MYOM2: variants seen among roughly 807,000 people sequenced by gnomAD.
MYOM2 encodes myomesin-2.
Under a neutral mutation model 187.6 loss-of-function variants are expected in MYOM2, and 254 were observed. The observed-to-expected ratio is 1.35, with a 90% CI of 1.22 to 1.50. The LOEUF is 1.50. Ranked by LOEUF, MYOM2 falls within the 40% of genes most tolerant of loss-of-function variation. The probability of loss-of-function intolerance (pLI) is 0.00; values close to 1 mark genes in which losing one functional copy is unlikely to be tolerated. For missense variants in MYOM2, 2,796 were observed against 1,924.0 expected, an observed-to-expected ratio of 1.45 and a Z score of -8.48; for synonymous variants, 981 against 753.8, an observed-to-expected ratio of 1.30 and a Z score of -4.94.
Position 2,101,017 on chromosome 8 carries a change from C to G in MYOM2, c.2582C>G (p.Thr861Ser). The G allele has an allele frequency of 6.2e-7, 1 of 1,614,138 alleles. No homozygotes were observed. The highest frequency in any genetic ancestry group is 1.1e-5 in the South Asian group (1 of 91,084). The stretch of plus-strand genomic sequence containing the variant: ...GAGGAGGATGCTGGAGAGTGGATCA[C>G]TGTCAATCAGACGACAACAGCCAGC... Reference protein sequence around the residue: ...FREEDAGEWITVNQTTTASRY... With the variant: ...FREEDAGEWISVNQTTTASRY... Residue 861 changes from threonine to serine, a missense_variant, in exon 20 of 37, where the codon ACT becomes AGT. Transcript: ENST00000262113.
Position 2,094,248 on chromosome 8 carries a change from G to A in MYOM2, c.2125+157G>A, listed in dbSNP as rs542895253. Among the ~76,000 whole-genome samples, 14 of 152,298 alleles carry A rather than the reference G, an allele frequency of 9.2e-5. No individual in the cohort carries two copies. The South Asian group carries it at 2.9e-3, about 32-fold the overall frequency. ...TGAGTTTCTTTGAAGCCTCTCGGTT[G>A]GCTGCTTGTCTTGGAAATGACAGTG... On this transcript the variant is annotated intron_variant, in intron 17 of 36. Coordinates refer to ENST00000262113, the MANE Select transcript of MYOM2 (RefSeq NM_003970.4).
chr8:2,056,777 G>T (rs1009591949), intron 3 of MYOM2, among the ~76,000 whole-genome samples: 2 of 152,078 alleles, frequency 1.3e-5, no homozygotes, highest in South Asian at 2.1e-4. Flanking sequence ...CAATAGCACC[G>T]TTAGCCCAGT....
intron 16 of MYOM2, among the ~76,000 whole-genome samples, 156 bp downstream of exon 16, chr8:2,092,676 T>G (rs936053693): frequency 1.3e-5 from 2 of 152,196 alleles, no homozygotes; most frequent in Non-Finnish European, 2.9e-5. Context: ...ATTTTAAAGT[T>G]TGACCACTTG....
intron 29 of MYOM2, 41 bp downstream of exon 29, chr8:2,123,406 G>C: frequency 6.5e-7 from 1 of 1,530,862 alleles, no homozygotes; most frequent in Non-Finnish European, 9.0e-7. Context: ...AAACAAAAAC[G>C]GCACTTTCAA....
At chr8:2,129,297 G>A (rs1225823190) in intron 32 of MYOM2, 65 bp downstream of exon 32, 2 of 1,070,612 alleles carry the variant, frequency 1.9e-6, no homozygotes, top group Non-Finnish European at 1.4e-6. Context: ...GCACAGCTGG[G>A]ACCAGGCGCT....
At chr8:2,116,448 G>C (rs1299693236) in intron 27 of MYOM2, among the ~76,000 whole-genome samples, 173 bp downstream of exon 27, 1 of 152,196 alleles carries the variant, frequency 6.6e-6, no homozygotes, top group African/African-American at 2.4e-5. Context: ...TTATAGCAGG[G>C]GAGTGAAGAG....
At chr8:2,051,014 C>T (rs1818466822) in intron 2 of MYOM2, 141 bp downstream of exon 2, 2 of 653,486 alleles carry the variant, frequency 3.1e-6, no homozygotes, top group East Asian at 2.8e-5. Flanking sequence ...CTCTCCCGTG[C>T]CCAGGTCCTG....
chr8:2,122,405 C>T (rs1792760266), intron 28 of MYOM2, among the ~76,000 whole-genome samples: 1 of 152,198 alleles, frequency 6.6e-6, no homozygotes, highest in Non-Finnish European at 1.5e-5. Context: ...GTGAAACAGA[C>T]GAAACCCCTG....
At chr8:2,052,663 G>A (rs1293370416) in intron 3 of MYOM2, among the ~76,000 whole-genome samples, 1 of 152,194 alleles carries the variant, frequency 6.6e-6, no homozygotes, top group Admixed American at 6.5e-5. Flanking sequence ...GCCAAGCTCA[G>A]TCCCTTTCCA....
chr8:2,126,514 T>G (rs759784484), intron 31 of MYOM2, among the ~76,000 whole-genome samples: 2 of 152,056 alleles, frequency 1.3e-5, no homozygotes, highest in African/African-American at 4.8e-5. Flanking sequence ...ACTCACACAC[T>G]GACACACACA....
Position 2,073,353 on chromosome 8 carries a change from G to T in MYOM2, c.973G>T (p.Glu325Ter). The T allele has an allele frequency of 1.2e-6, 2 of 1,608,540 alleles. No homozygotes were observed. Among genetic ancestry groups the T allele is most frequent in the Non-Finnish European group, 1.7e-6 (2 of 1,177,112 alleles). ...EWYRDDVLLK[E>*]SKWTKMFFGE... ...CGCTCTTTCAGACGTGCTGTTGAAA[G>T]AGTCCAAGTGGACGAAGATGTTCTT... Residue 325 changes from glutamate to a stop codon, truncating the protein, a stop_gained, in exon 10 of 37, where the codon GAG (glutamate) becomes TAG (stop). Coordinates refer to ENST00000262113, the MANE Select transcript of MYOM2 (RefSeq NM_003970.4). LOFTEE classifies it high-confidence loss of function.
chr8:2,116,953 C>T (rs559930289), intron 27 of MYOM2, among the ~76,000 whole-genome samples: 14 of 135,456 alleles, frequency 1.0e-4, no homozygotes, highest in Middle Eastern at 3.8e-3. Context: ...TAGAGACGGA[C>T]GGGGTTTCAC....
intron 13 of MYOM2, among the ~76,000 whole-genome samples, chr8:2,083,454 C>T (rs1292744157): frequency 1.3e-5 from 2 of 151,090 alleles, no homozygotes; most frequent in Non-Finnish European, 1.5e-5. Flanking sequence ...AGCGGCATCT[C>T]GCATGTGCTT....
intron 36 of MYOM2, among the ~76,000 whole-genome samples, chr8:2,143,852 A>G (rs1384199206): frequency 6.6e-6 from 1 of 152,188 alleles, no homozygotes; most frequent in East Asian, 1.9e-4. Flanking sequence ...CCCTGCTTCC[A>G]GTGTGAAACA....
In MYOM2 at chr8:2,057,710, A is replaced by G. The variant is rs1026192275; in HGVS notation, c.490A>G (p.Thr164Ala). Residue 164 changes from threonine (T) to alanine (A), a missense_variant, in exon 5 of 37, where the codon ACC (threonine) becomes GCC (alanine). Transcript: ENST00000262113. ...PEILVRLRSH[T>A]VWERMSVKLC... ...GATCCTGGTGCGGCTGCGATCCCAC[A>G]CCGTCTGGGAGAGGATGTCTGTGAA... The G allele has an allele frequency of 2.5e-6, 4 of 1,613,998 alleles. No homozygotes were observed. In the South Asian group the frequency reaches 4.4e-5, roughly 18 times the overall value.
chr8:2,113,211 C>T lies in MYOM2; in HGVS notation c.3181-2749C>T, dbSNP rs115824622. ...GAGTCCCGCGCTGGACATTGGATTC[C>T]CTCGACGCCATCGTGCCTTGCATTA... On this transcript the variant is annotated intron_variant, in intron 25 of 36. Coordinates refer to ENST00000262113, the MANE Select transcript of MYOM2 (RefSeq NM_003970.4). Among the ~76,000 whole-genome samples, 1,111 of 152,348 alleles carry T rather than the reference C, an allele frequency of 7.3e-3. 17 individuals carry two copies. Among genetic ancestry groups the T allele is most frequent in the African/African-American group, 0.025 (1,060 of 41,578 alleles).
intron 31 of MYOM2, among the ~76,000 whole-genome samples, chr8:2,128,664 C>G (rs577089577): frequency 6.6e-6 from 1 of 152,142 alleles, no homozygotes; most frequent in African/African-American, 2.4e-5. Context: ...TCCTCTGACC[C>G]AAGTTTCATT....
chr8:2,094,667 C>T (rs995007535), intron 17 of MYOM2, among the ~76,000 whole-genome samples: 20 of 152,282 alleles, frequency 1.3e-4, no homozygotes, highest in African/African-American at 4.8e-4. Flanking sequence ...TATATATATG[C>T]TGTAGGGGAT....
Position 2,123,331 on chromosome 8 carries a change from T to A in MYOM2, c.3533T>A (p.Leu1178Gln). 6.2e-7 allele frequency: 1 copy of A among 1,613,892 alleles called. No individual in the cohort carries two copies. The highest frequency in any genetic ancestry group is 8.5e-7 in the Non-Finnish European group (1 of 1,179,888). ...VLYETETLPNLERGICELLIP... is the reference protein window; with the variant it reads ...VLYETETLPNQERGICELLIP... ...TATGAAACGGAGACACTGCCTAACC[T>A]GGAGAGGGGAATCTGTGAGCTCCTC... The change falls in exon 29 of 37, where the codon CTG becomes CAG. Residue 1178 changes from leucine to glutamine, a missense_variant. Leu to Gln is a moderately radical substitution (Grantham distance 113). Coordinates refer to ENST00000262113, the MANE Select transcript of MYOM2 (RefSeq NM_003970.4).
Sources: gnomAD v4.1 joint callset for allele counts (sites outside exome capture counted in the v4.1 genomes callset) on GRCh38, gnomAD v4.1.1 for gene constraint, MANE v1.5 for transcripts, NCBI Gene and HGNC (gene_info 2026-07-23, HGNC 2026-07-21) for gene names.